PANK4: variants seen among roughly 807,000 people sequenced by gnomAD.
PANK4 encodes pantothenate kinase 4 (inactive), also known as 4'-phosphopantetheine phosphatase.
PANK4 carries 40 observed loss-of-function variants against 87.9 expected under a neutral mutation model. That is an observed-to-expected ratio of 0.46 (90% confidence interval 0.35 to 0.59). The LOEUF is 0.59. Ranked by LOEUF, PANK4 falls within the 20% of genes least tolerant of loss-of-function variation. The pLI, the probability that PANK4 is intolerant of heterozygous loss-of-function variation, is 0.00. For synonymous variants in PANK4, 524 were observed against 467.4 expected (o/e 1.12, Z -1.56); for missense variants, 926 against 1,072.3 (o/e 0.86, Z 1.90).
chr1:2,516,906 C>T (rs1028597417), intron 9 of PANK4, among the ~76,000 whole-genome samples: 2 of 152,258 alleles, frequency 1.3e-5, no homozygotes, highest in African/African-American at 4.8e-5. Context: ...ATGACTCCAT[C>T]TCTCTGCATG....
In PANK4 at chr1:2,519,269, A is replaced by G. The variant is rs779055878; in HGVS notation, c.909T>C (p.Ile303=). 5.0e-6 allele frequency: 8 copies of G among 1,612,362 alleles called. No individual in the cohort carries two copies. The highest frequency in any genetic ancestry group is 6.8e-6 in the Non-Finnish European group (8 of 1,179,644). Reference sequence around the variant, plus strand: ...GTGCGTGGAGGCAGGCCAGCTGCCCAATGTCGTTGCTGATCATGTGCAGCA... The same window carrying G: ...GTGCGTGGAGGCAGGCCAGCTGCCCGATGTCGTTGCTGATCATGTGCAGCA... The part of the protein sequence containing the change: ...KSLLHMISND[I]GQLACLHARL... Residue 303 remains isoleucine (I), a synonymous_variant, in exon 7 of 19, where the codon ATT becomes ATC. Coordinates refer to ENST00000378466, the MANE Select transcript of PANK4 (RefSeq NM_018216.4). The surrounding 1 kb of genome is among the most constrained non-coding windows in gnomAD (Gnocchi z 8.3).
At chr1:2,511,531 G>T in intron 14 of PANK4, 97 bp downstream of exon 14, 1 of 1,095,758 alleles carries the variant, frequency 9.1e-7, no homozygotes, top group Non-Finnish European at 1.4e-6. Flanking sequence ...CAGGGGAGGT[G>T]CCTGGACCCC....
chr1:2,522,195 G>A (rs1643880711), intron 1 of PANK4, among the ~76,000 whole-genome samples: 1 of 152,340 alleles, frequency 6.6e-6, no homozygotes, highest in South Asian at 2.1e-4. Context: ...AATCCAGGCT[G>A]TTTTCGTTTT....
intron 1 of PANK4, among the ~76,000 whole-genome samples, chr1:2,525,248 T>C (rs1238550436): frequency 6.6e-6 from 1 of 151,976 alleles, no homozygotes; most frequent in African/African-American, 2.4e-5. Context: ...TCTCTCTGAG[T>C]CCCAGCTTTT....
At chr1:2,522,943 G>T (rs12739231) in intron 1 of PANK4, among the ~76,000 whole-genome samples, 1 of 40,482 alleles carries the variant, frequency 2.5e-5, no homozygotes, top group Non-Finnish European at 5.5e-5. Context: ...TAACAGAGGG[G>T]ACCGTGTGGT....
chr1:2,509,023 G>A lies in PANK4; in HGVS notation c.2146C>T (p.Arg716Cys), dbSNP rs372155888. 3 of 1,603,362 alleles carry A rather than the reference G, an allele frequency of 1.9e-6. No individual in the cohort carries two copies. Among genetic ancestry groups the A allele is most frequent in the African/African-American group, 1.3e-5 (1 of 74,866 alleles). ...TCGATGACCACCAGATCCGCGCCAC[G>A]CTCCCGCACCAGTGCGGCCAGCCCC... ...DKGLAALVRE[R>C]GADLVVIEGM... Residue 716 changes from arginine to cysteine, a missense_variant, in exon 19 of 19, where the codon CGT (arginine) becomes TGT (cysteine). By Grantham distance (180) the Arg-to-Cys change is radical. Coordinates refer to ENST00000378466, the MANE Select transcript of PANK4 (RefSeq NM_018216.4). The surrounding 1 kb of genome is among the most constrained non-coding windows in gnomAD (Gnocchi z 4.9).
chr1:2,526,109 C>G (rs1406789076), intron 1 of PANK4: 1 of 152,392 alleles, frequency 6.6e-6, no homozygotes, highest in African/African-American at 2.4e-5. Flanking sequence ...CCGATGTGGC[C>G]GAAGACATAA....
At chr1:2,518,636 C>A (rs750305667) in intron 7 of PANK4, 39 bp from the exon 8 acceptor site, 31 of 1,505,610 alleles carry the variant, frequency 2.1e-5, no homozygotes, top group Non-Finnish European at 2.8e-5. Context: ...GTTGGCCCCA[C>A]ACAACACCCG....
rs781086857 is a variant in PANK4 at position 2,510,640 on chromosome 1, C to G, written c.1938+38G>C. Reference sequence around the variant, plus strand: ...GCCAACCCCACCGAGAGCAGAGAAGCCCAGGGGAAGGGCCCCACCCACCAC... The same window carrying G: ...GCCAACCCCACCGAGAGCAGAGAAGGCCAGGGGAAGGGCCCCACCCACCAC... On this transcript the variant is annotated intron_variant, in intron 16 of 18. Coordinates refer to ENST00000378466, the MANE Select transcript of PANK4 (RefSeq NM_018216.4). This position sits in a 1 kb window ranked among gnomAD's most constrained non-coding sequence, Gnocchi z 4.9. 6 of 1,258,728 alleles carry G rather than the reference C, an allele frequency of 4.8e-6. No homozygotes were observed. In the Admixed American group the frequency reaches 5.2e-5, roughly 11 times the overall value. 78.0% of individuals were successfully genotyped at this position (1,258,728 alleles called of 1,614,324 possible).
intron 10 of PANK4, among the ~76,000 whole-genome samples, chr1:2,514,790 G>A (rs182492002): frequency 1.3e-5 from 2 of 152,118 alleles, no homozygotes; most frequent in African/African-American, 2.4e-5. Context: ...GACAGTTCAC[G>A]GTCACCCGAG....
In PANK4 at chr1:2,509,493, A is replaced by G. The variant is rs1034585373; in HGVS notation, c.2108+369T>C. Among the ~76,000 whole-genome samples, 2 of 152,152 alleles carry G rather than the reference A, an allele frequency of 1.3e-5. No individual in the cohort carries two copies. The highest frequency in any genetic ancestry group is 2.4e-5 in the African/African-American group (1 of 41,434). ...CAGACAGCACCACATACAATTGACT[A>G]ATGACCTCCAGAACCACAGAAGCAG... On this transcript the variant is annotated intron_variant, in intron 18 of 18. Coordinates refer to ENST00000378466, the MANE Select transcript of PANK4 (RefSeq NM_018216.4). This position sits in a 1 kb window ranked among gnomAD's most constrained non-coding sequence, Gnocchi z 4.9.
chr1:2,526,574 C>A lies in PANK4; in HGVS notation c.14G>T (p.Gly5Val). The change falls in exon 1 of 19, where the codon GGA becomes GTA. Residue 5 changes from glycine (G) to valine (V), a missense_variant. By Grantham distance (109) the Gly-to-Val change is moderately radical. Transcript: ENST00000378466. MAEC[G>V]ASGSGSSGDS... ...CCCGCTGCTCCCGCTGCCGCTCGCTCCACACTCCGCCATTTTGAAAGTGCC... is the reference window on the plus strand; with the variant it reads ...CCCGCTGCTCCCGCTGCCGCTCGCTACACACTCCGCCATTTTGAAAGTGCC... 1 of 1,601,386 alleles carries A rather than the reference C, an allele frequency of 6.2e-7. No homozygotes were observed. Among genetic ancestry groups the A allele is most frequent in the Non-Finnish European group, 8.5e-7 (1 of 1,174,556 alleles).
chr1:2,512,665 A>C (rs1341140881), intron 13 of PANK4: 2 of 555,256 alleles, frequency 3.6e-6, no homozygotes, highest in Non-Finnish European at 6.4e-6. Context: ...TGCTTAAGGA[A>C]GGGGCCTCCT....
In PANK4 at chr1:2,521,814, A is replaced by G; in HGVS notation, c.125-14T>C. The G allele has an allele frequency of 6.2e-7, 1 of 1,610,114 alleles. No homozygotes were observed. Among genetic ancestry groups the G allele is most frequent in the Non-Finnish European group, 8.5e-7 (1 of 1,176,518 alleles). On this transcript the variant is annotated splice_polypyrimidine_tract_variant and intron_variant, in intron 1 of 18. Coordinates refer to ENST00000378466, the MANE Select transcript of PANK4 (RefSeq NM_018216.4). Reference sequence around the variant, plus strand: ...TTAACGACCCGCCTGCAGGGGAGACACAAACCGGGCAGGATTCAGGACCAG... The same window carrying G: ...TTAACGACCCGCCTGCAGGGGAGACGCAAACCGGGCAGGATTCAGGACCAG...
chr1:2,509,738 G>A lies in PANK4; in HGVS notation c.2108+124C>T. The stretch of plus-strand genomic sequence containing the variant: ...CCCCTCCTGAGATCAATCCGGGCCT[G>A]GGGTCAGGAGAGGCCGCAGGGGCAG... On this transcript the variant is annotated intron_variant, in intron 18 of 18. Transcript: ENST00000378466. This position sits in a 1 kb window ranked among gnomAD's most constrained non-coding sequence, Gnocchi z 4.9. The A allele has an allele frequency of 1.2e-6, 1 of 805,542 alleles. No homozygotes were observed. Among genetic ancestry groups the A allele is most frequent in the Non-Finnish European group, 2.1e-6 (1 of 477,108 alleles). The allele number at this position is 805,542 out of a possible 1,614,324, so 49.9% of individuals were successfully genotyped here.
In PANK4 at chr1:2,510,147, G is replaced by A. The variant is rs1230323255; in HGVS notation, c.1949C>T (p.Ala650Val). The stretch of plus-strand genomic sequence containing the variant: ...GTTCAGGGCGGGGCCTGAGTTGCAC[G>A]CCAGGATGACCTGCAGGAGGAGGGC... ...LLLRGTEVIL[A>V]CNSGPALNDV... Residue 650 changes from alanine to valine, a missense_variant, in exon 17 of 19, where the codon GCG becomes GTG. Physicochemically the swap from Ala to Val is moderately conservative, Grantham distance 64. Coordinates refer to ENST00000378466, the MANE Select transcript of PANK4 (RefSeq NM_018216.4). This position sits in a 1 kb window ranked among gnomAD's most constrained non-coding sequence, Gnocchi z 4.9. The A allele has an allele frequency of 2.5e-6, 4 of 1,603,308 alleles. No individual in the cohort carries two copies. The highest frequency in any genetic ancestry group is 1.7e-6 in the Non-Finnish European group (2 of 1,174,536).
intron 1 of PANK4, 166 bp from the exon 2 acceptor site, chr1:2,521,966 GA>G: frequency 1.7e-6 from 1 of 604,188 alleles, no homozygotes. Context: ...GAGAGGACAG[GA>G]AAACGAACAA....
Position 2,520,458 on chromosome 1 carries a change from C to A in PANK4, c.607-44G>T. 1 of 1,535,192 alleles carries A rather than the reference C, an allele frequency of 6.5e-7. No individual in the cohort carries two copies. The highest frequency in any genetic ancestry group is 9.0e-7 in the Non-Finnish European group (1 of 1,111,860). On this transcript the variant is annotated intron_variant, in intron 4 of 18. Transcript: ENST00000378466. This position sits in a 1 kb window ranked among gnomAD's most constrained non-coding sequence, Gnocchi z 6.2. Reference sequence around the variant, plus strand: ...AGGTGTGCCCTCAGTGGGCCCTCAGCCACACAGGCTCCCCCGCCCCCCGCC... The same window carrying A: ...AGGTGTGCCCTCAGTGGGCCCTCAGACACACAGGCTCCCCCGCCCCCCGCC...
rs1348097103 is a variant in PANK4, at chr1:2,520,494, C to T, written c.607-80G>A. The T allele has an allele frequency of 5.0e-5, 41 of 818,142 alleles. No homozygotes were observed. Among genetic ancestry groups the T allele is most frequent in the East Asian group, 1.9e-4 (3 of 15,784 alleles). The allele number at this position is 818,142 out of a possible 1,614,324, so 50.7% of individuals were successfully genotyped here. A position where few individuals can be genotyped will look rare whatever the true frequency, so the allele number is the denominator to read the frequency against. On this transcript the variant is annotated intron_variant, in intron 4 of 18. Transcript: ENST00000378466. This position sits in a 1 kb window ranked among gnomAD's most constrained non-coding sequence, Gnocchi z 6.2. ...CCCCCGCCCCCCGCCCCATGTGCTGCGCTGGGGTGAACCCCGCCCCCACCC... is the reference window on the plus strand; with the variant it reads ...CCCCCGCCCCCCGCCCCATGTGCTGTGCTGGGGTGAACCCCGCCCCCACCC...
Sources: gnomAD v4.1 joint callset for allele counts (sites outside exome capture counted in the v4.1 genomes callset) on GRCh38, gnomAD v4.1.1 for gene constraint, Gnocchi (gnomAD v3.1) non-coding constraint, MANE v1.5 for transcripts, NCBI Gene and HGNC (gene_info 2026-07-23, HGNC 2026-07-21) for gene names.